The following RALGAPA2 variants were observed in gnomAD, a reference collection of about 807,000 sequenced individuals.
RALGAPA2 encodes the protein ral GTPase-activating protein subunit alpha-2.
In RALGAPA2, 139 loss-of-function variants were observed where a neutral mutation model predicts 230.4. That is an observed-to-expected ratio of 0.60 (90% CI 0.53 to 0.69). The LOEUF (loss-of-function observed/expected upper bound fraction) is 0.69, where lower values mean the gene tolerates loss of function less well. RALGAPA2 is among the 30% of genes least tolerant of loss of function. RALGAPA2 has a pLI of 0.00. For synonymous variants in RALGAPA2, 847 were observed against 837.8 expected, an observed-to-expected ratio of 1.01 and a Z score of -0.19; for missense variants, 2,163 against 2,276.0, an observed-to-expected ratio of 0.95 and a Z score of 1.01.
chr20:20,417,187 T>C (rs1382892331), intron 37 of RALGAPA2, among the ~76,000 whole-genome samples: 3 of 152,200 alleles, frequency 2.0e-5, no homozygotes, highest in Non-Finnish European at 4.4e-5. Context: ...TTAGGGTGTG[T>C]AAAAGGTTGA....
At chr20:20,443,033 T>G (rs1004495566) in intron 37 of RALGAPA2, among the ~76,000 whole-genome samples, 2 of 152,246 alleles carry the variant, frequency 1.3e-5, no homozygotes, top group Non-Finnish European at 2.9e-5. Flanking sequence ...TAACCACTGA[T>G]ACAAGGGCAG....
chr20:20,428,932 A>G (rs1234950928), intron 37 of RALGAPA2, among the ~76,000 whole-genome samples: 1 of 152,118 alleles, frequency 6.6e-6, no homozygotes, highest in Non-Finnish European at 1.5e-5. Flanking sequence ...ACTGAGTATT[A>G]TAGTATATTG....
intron 37 of RALGAPA2, among the ~76,000 whole-genome samples, chr20:20,448,703 T>C (rs1350517903): frequency 6.6e-6 from 1 of 152,054 alleles, no homozygotes; most frequent in Admixed American, 6.6e-5. Context: ...CAACTTTAAT[T>C]TCAGAAGGAA....
chr20:20,418,713 T>A (rs1374910742), intron 37 of RALGAPA2, among the ~76,000 whole-genome samples: 1 of 150,642 alleles, frequency 6.6e-6, no homozygotes, highest in Non-Finnish European at 1.5e-5. Flanking sequence ...GAAGGACACA[T>A]TGAGTGCAAT....
At chr20:20,458,856 C>CTATATATATATATAGACCTATATATA (rs2061229643) in intron 37 of RALGAPA2, among the ~76,000 whole-genome samples, 1 of 88,246 alleles carries the variant, frequency 1.1e-5, no homozygotes, top group African/African-American at 5.0e-5. Context: ...ATATATAGAC[C>CTATATATATATATAGACCTATATATA]TATATATATA....
At position 20,390,452 on chromosome 20, in the gene RALGAPA2, G is replaced by C. The variant is rs900345098; in HGVS notation, c.*2837C>G. Reference sequence around the variant, plus strand: ...GATAAACATCAGCTTTGCTCTGGATGGAATCTGGGAATAGGTGTGCAGAGA... The same window carrying C: ...GATAAACATCAGCTTTGCTCTGGATCGAATCTGGGAATAGGTGTGCAGAGA... On this transcript the variant is annotated 3_prime_UTR_variant, in exon 40 of 40. Coordinates refer to ENST00000202677, the MANE Select transcript of RALGAPA2 (RefSeq NM_020343.4). The C allele has an allele frequency of 1.3e-5, 2 of 152,174 alleles. No individual in the cohort carries two copies. The highest frequency in any genetic ancestry group is 3.2e-3 in the Middle Eastern group (1 of 316). The allele number at this position is 152,174 out of a possible 1,614,324, so 9.4% of individuals were successfully genotyped here.
Position 20,397,432 on chromosome 20 carries a change from G to T in RALGAPA2, c.5618-698C>A, listed in dbSNP as rs114963860. On this transcript the variant is annotated intron_variant, in intron 38 of 39. Transcript: ENST00000202677. The stretch of plus-strand genomic sequence containing the variant: ...TTAGCTTTTCTATGCCTTGTGACAG[G>T]TTCTTCCACCCCTTCCACGCCATCC... Among the ~76,000 whole-genome samples, 147 of 152,316 alleles carry T rather than the reference G, an allele frequency of 9.7e-4. 3 individuals are homozygous for T. The East Asian group carries it at 0.025, about 26-fold the overall frequency.
intron 3 of RALGAPA2, 129 bp downstream of exon 3, chr20:20,676,103 GAGGA>G: frequency 1.7e-6 from 1 of 593,970 alleles, no homozygotes; most frequent in African/African-American, 1.9e-5. Flanking sequence ...GGGAGGGTGG[GAGGA>G]AGGAAGGAAA....
intron 3 of RALGAPA2, among the ~76,000 whole-genome samples, chr20:20,661,920 T>A (rs1451502150): frequency 6.6e-6 from 1 of 152,206 alleles, no homozygotes; most frequent in African/African-American, 2.4e-5. Context: ...TTATGAATCT[T>A]TATGCAACAA....
intron 10 of RALGAPA2, 71 bp downstream of exon 10, chr20:20,629,292 C>A: frequency 7.5e-7 from 1 of 1,325,028 alleles, no homozygotes; most frequent in Non-Finnish European, 1.1e-6. Flanking sequence ...GAACATGAAA[C>A]AAAATCATTT....
intron 2 of RALGAPA2, among the ~76,000 whole-genome samples, chr20:20,679,206 A>G (rs1351316409): frequency 1.3e-5 from 2 of 151,860 alleles, no homozygotes; most frequent in Non-Finnish European, 2.9e-5. Flanking sequence ...AGCCACTCTC[A>G]CCCTCCTGCC....
At chr20:20,668,632 G>A (rs1486506206) in intron 3 of RALGAPA2, among the ~76,000 whole-genome samples, 1 of 152,162 alleles carries the variant, frequency 6.6e-6, no homozygotes, top group Non-Finnish European at 1.5e-5. Context: ...TCCAGCCACA[G>A]TCAAATGATA....
intron 19 of RALGAPA2, among the ~76,000 whole-genome samples, chr20:20,584,060 G>A (rs2065062694): frequency 6.6e-6 from 1 of 152,158 alleles, no homozygotes; most frequent in Non-Finnish European, 1.5e-5. Context: ...CTCCTAAAGA[G>A]CTCTAAGCTA....
intron 1 of RALGAPA2, among the ~76,000 whole-genome samples, chr20:20,691,013 C>T (rs1025023394): frequency 4.6e-5 from 7 of 152,156 alleles, no homozygotes; most frequent in African/African-American, 1.2e-4. Context: ...CTGACTCCCC[C>T]ATTTCTAATG....
rs1475447988 is a variant in RALGAPA2 at position 20,532,196 on chromosome 20, T to C, written c.3474-401A>G. Among the ~76,000 whole-genome samples, 3 of 152,226 alleles carry C rather than the reference T, an allele frequency of 2.0e-5. No individual in the cohort carries two copies. The East Asian group carries it at 5.8e-4, about 29-fold the overall frequency. ...TGTAATTGTTTTCTTTACCATAATA[T>C]GCACAATACCTATACCACAAACATA... On this transcript the variant is annotated intron_variant, in intron 26 of 39. Transcript: ENST00000202677.
At chr20:20,518,362 C>T (rs2062938847) in intron 31 of RALGAPA2, among the ~76,000 whole-genome samples, 1 of 152,074 alleles carries the variant, frequency 6.6e-6, no homozygotes, top group South Asian at 2.1e-4. Flanking sequence ...GCCACCCTGA[C>T]CAGAGATAGT....
At chr20:20,596,511 G>A (rs1360889376) in intron 16 of RALGAPA2, among the ~76,000 whole-genome samples, 1 of 152,156 alleles carries the variant, frequency 6.6e-6, no homozygotes, top group Non-Finnish European at 1.5e-5. Context: ...ATACTCTAAT[G>A]TGCCAACCAG....
chr20:20,567,710 G>C (rs1302128804), intron 23 of RALGAPA2, among the ~76,000 whole-genome samples: 1 of 151,558 alleles, frequency 6.6e-6, no homozygotes, highest in African/African-American at 2.4e-5. Context: ...GGGCCTCAGG[G>C]GCCTGGGTAC....
intron 1 of RALGAPA2, 47 bp from the exon 2 acceptor site, chr20:20,680,848 A>C (rs777398632): frequency 2.0e-6 from 3 of 1,514,718 alleles, no homozygotes; most frequent in African/African-American, 2.8e-5. Flanking sequence ...TTATAAAATC[A>C]CAAGAATTTA....
Sources: allele counts gnomAD v4.1 joint callset (sites outside exome capture counted in the v4.1 genomes callset), GRCh38; gene constraint gnomAD v4.1.1; transcripts MANE v1.5; gene names NCBI Gene and HGNC (gene_info 2026-07-23, HGNC 2026-07-21).